Variants in DOCK4 observed in about 807,000 individuals in gnomAD.
DOCK4 encodes the protein dedicator of cytokinesis protein 4.
Under a neutral mutation model 268.1 loss-of-function variants are expected in DOCK4, and 97 were observed. The ratio of observed to expected loss-of-function variants is 0.36; its 90% confidence interval spans 0.31 to 0.43. The LOEUF is 0.43. Ranked by LOEUF, DOCK4 falls within the 20% of genes least tolerant of loss-of-function variation. DOCK4 has a pLI of 1.00. For missense variants in DOCK4, 2,145 were observed against 2,455.7 expected, an observed-to-expected ratio of 0.87 and a Z score of 2.67; for synonymous variants, 954 against 887.2, an observed-to-expected ratio of 1.08 and a Z score of -1.34.
At chr7:111,849,601 G>A (rs1006855818) in intron 23 of DOCK4, among the ~76,000 whole-genome samples, 2 of 152,076 alleles carry the variant, frequency 1.3e-5, no homozygotes, top group Non-Finnish European at 2.9e-5. Context: ...AATATCTGAT[G>A]ATCCTTCATT....
chr7:111,733,509 C>T (rs1795254096), intron 51 of DOCK4, among the ~76,000 whole-genome samples: 1 of 152,140 alleles, frequency 6.6e-6, no homozygotes, highest in Admixed American at 6.5e-5. Context: ...GGAAGAAAAT[C>T]ACATCTGTAT....
chr7:111,981,862 C>T lies in DOCK4; in HGVS notation c.549+2444G>A, dbSNP rs554087855. Among the ~76,000 whole-genome samples, 3 of 152,238 alleles carry T rather than the reference C, an allele frequency of 2.0e-5. No homozygotes were observed. In the East Asian group the frequency reaches 5.8e-4, roughly 29 times the overall value. On this transcript the variant is annotated intron_variant, in intron 7 of 52. Coordinates refer to ENST00000428084, the MANE Select transcript of DOCK4 (RefSeq NM_001363540.2). ...GCAACACTGAACTCTAGGCAGCCAC[C>T]CACCAATAAACTGGAATGCTGAAAG... is the stretch of plus-strand genomic sequence containing the variant.
rs186207681 is a variant in DOCK4, at chr7:111,926,182, G to A, written c.1066+9358C>T. The stretch of plus-strand genomic sequence containing the variant: ...AGAAAGAAAAAGAAGGAAGGAAGGC[G>A]GGCAAGGTGGGCAGATCACGAGGTC... On this transcript the variant is annotated intron_variant, in intron 12 of 52. Transcript: ENST00000428084. Among the ~76,000 whole-genome samples the A allele has an allele frequency of 9.7e-4, 136 of 140,424 alleles. 10 individuals are homozygous for A. The highest frequency in any genetic ancestry group is 3.7e-3 in the African/African-American group (133 of 36,020). The allele number at this position is 140,424 out of a possible 152,430, so 92.1% of individuals were successfully genotyped here. A position where few individuals can be genotyped will look rare whatever the true frequency, so the allele number is the denominator to read the frequency against.
chr7:111,752,423 G>A (rs1187489540), intron 42 of DOCK4, among the ~76,000 whole-genome samples: 6 of 151,880 alleles, frequency 4.0e-5, no homozygotes, highest in African/African-American at 1.5e-4. Flanking sequence ...TTAGATTCTG[G>A]GTATACAGTA....
chr7:112,185,839 CT>C (rs1563167655), intron 1 of DOCK4, among the ~76,000 whole-genome samples: 1 of 152,214 alleles, frequency 6.6e-6, no homozygotes, highest in Non-Finnish European at 1.5e-5. Context: ...GGAATCCAGT[CT>C]TTTATAGATC....
chr7:111,933,574 C>T (rs571888567), intron 12 of DOCK4, among the ~76,000 whole-genome samples: 56 of 151,840 alleles, frequency 3.7e-4, no homozygotes, highest in Admixed American at 2.0e-4. Context: ...TGATTACAGA[C>T]GTGAGCCACC....
intron 30 of DOCK4, among the ~76,000 whole-genome samples, chr7:111,806,860 T>A (rs1169786631): frequency 6.6e-6 from 1 of 152,198 alleles, no homozygotes; most frequent in Non-Finnish European, 1.5e-5. Context: ...ATTTTCCATA[T>A]TCTCTAGATC....
chr7:112,169,659 C>T (rs1817909744), intron 1 of DOCK4, among the ~76,000 whole-genome samples: 1 of 152,268 alleles, frequency 6.6e-6, no homozygotes, highest in South Asian at 2.1e-4. Flanking sequence ...CCTTCTTGTT[C>T]CACTCCACCT....
At chr7:111,994,956 A>G (rs1799810996) in intron 4 of DOCK4, among the ~76,000 whole-genome samples, 1 of 152,068 alleles carries the variant, frequency 6.6e-6, no homozygotes, top group African/African-American at 2.4e-5. Context: ...ATTTATATCA[A>G]TATCTAGTAG....
intron 15 of DOCK4, among the ~76,000 whole-genome samples, chr7:111,897,268 C>G (rs185769973): frequency 1.3e-5 from 2 of 152,236 alleles, no homozygotes; most frequent in East Asian, 3.9e-4. Context: ...CCACTGGCAC[C>G]TGACACATGT....
intron 1 of DOCK4, among the ~76,000 whole-genome samples, chr7:112,020,266 G>A (rs749032381): frequency 6.6e-6 from 1 of 152,134 alleles, no homozygotes; most frequent in Non-Finnish European, 1.5e-5. Flanking sequence ...CACCCTGTCA[G>A]TTTTCCAAAA....
At chr7:111,935,937 C>T (rs1794708060) in intron 11 of DOCK4, among the ~76,000 whole-genome samples, 1 of 152,202 alleles carries the variant, frequency 6.6e-6, no homozygotes, top group African/African-American at 2.4e-5. Flanking sequence ...GCAGCCCCAA[C>T]TGAGTTCAAC....
intron 1 of DOCK4, among the ~76,000 whole-genome samples, chr7:112,072,511 G>A (rs569553720): frequency 1.1e-4 from 16 of 152,128 alleles, no homozygotes; most frequent in Non-Finnish European, 2.1e-4. Context: ...ACAGTACAGA[G>A]ATTTCTCCAA....
intron 1 of DOCK4, among the ~76,000 whole-genome samples, chr7:112,090,017 T>G (rs1046780523): frequency 3.3e-5 from 5 of 152,190 alleles, no homozygotes; most frequent in African/African-American, 1.2e-4. Context: ...AGGTTTATGG[T>G]GTCAACTGAA....
At chr7:111,907,570 C>A (rs1791696659) in intron 13 of DOCK4, among the ~76,000 whole-genome samples, 2 of 152,134 alleles carry the variant, frequency 1.3e-5, no homozygotes, top group South Asian at 2.1e-4. Flanking sequence ...AGAATCTCGG[C>A]TTCACTCTCT....
Position 112,205,772 on chromosome 7 carries a change from GACAC to G in DOCK4, c.37+326_37+329del, listed in dbSNP as rs35579043. ...CCCCATTCGCCTCCTCTTCCAACTT[GACAC>G]ACACACACACACACACACACACGCC... is the stretch of plus-strand genomic sequence containing the variant. On this transcript the variant is annotated intron_variant, in intron 1 of 52. Coordinates refer to ENST00000428084, the MANE Select transcript of DOCK4 (RefSeq NM_001363540.2). Among the ~76,000 whole-genome samples, 610 of 148,826 alleles carry G rather than the reference GACAC, an allele frequency of 4.1e-3. 6 individuals are homozygous for G. Among genetic ancestry groups the G allele is most frequent in the African/African-American group, 0.013 (549 of 40,700 alleles).
chr7:112,137,372 G>A (rs943831794), intron 1 of DOCK4, among the ~76,000 whole-genome samples: 1 of 152,144 alleles, frequency 6.6e-6, no homozygotes, highest in Non-Finnish European at 1.5e-5. Flanking sequence ...TGTCAGAGGA[G>A]GTTACATTTC....
intron 36 of DOCK4, among the ~76,000 whole-genome samples, chr7:111,773,297 C>T (rs1585940878): frequency 6.6e-6 from 1 of 151,940 alleles, no homozygotes; most frequent in African/African-American, 2.4e-5. Flanking sequence ...TCTCCAAGAA[C>T]AGAAATGAAG....
intron 13 of DOCK4, among the ~76,000 whole-genome samples, chr7:111,905,481 A>G (rs532371282): frequency 2.4e-3 from 371 of 152,326 alleles, no homozygotes; most frequent in Admixed American, 4.5e-3. Context: ...AACAAACTCA[A>G]GAGTTCAGTG....
Sources: gnomAD v4.1 joint callset for allele counts (sites outside exome capture counted in the v4.1 genomes callset) on GRCh38, gnomAD v4.1.1 for gene constraint, MANE v1.5 for transcripts, NCBI Gene and HGNC (gene_info 2026-07-23, HGNC 2026-07-21) for gene names.